The following INPP4B variants were observed in gnomAD, a reference collection of about 807,000 sequenced individuals.
The protein encoded by INPP4B is inositol polyphosphate 4-phosphatase type II.
In INPP4B, 55 loss-of-function variants were observed where a neutral mutation model predicts 122.5. The observed-to-expected ratio is 0.45, with a 90% CI of 0.36 to 0.56. INPP4B has a LOEUF of 0.56. Ranked by LOEUF, INPP4B falls within the 20% of genes least tolerant of loss-of-function variation. The probability of loss-of-function intolerance (pLI) is 0.00; values close to 1 mark genes in which losing one functional copy is unlikely to be tolerated. For synonymous variants in INPP4B, 403 were observed against 388.7 expected (o/e 1.04, Z -0.43); for missense variants, 1,000 against 1,097.7 (o/e 0.91, Z 1.26).
intron 2 of INPP4B, among the ~76,000 whole-genome samples, chr4:142,551,487 T>C (rs1272616724): frequency 6.6e-6 from 1 of 152,202 alleles, no homozygotes. Flanking sequence ...CAAAAGCACA[T>C]TTTAAAACAA....
chr4:142,741,236 G>GGCACCAATATCT (rs200360210), intron 1 of INPP4B, among the ~76,000 whole-genome samples: 4,120 of 152,138 alleles, frequency 0.027, 75 homozygotes, highest in Middle Eastern at 0.095. Context: ...ATACAAGAAT[G>GGCACCAATATCT]GCTTGGCTTC....
intron 2 of INPP4B, among the ~76,000 whole-genome samples, chr4:142,581,465 T>G (rs957190208): frequency 4.0e-5 from 6 of 151,120 alleles, no homozygotes; most frequent in African/African-American, 1.5e-4. Context: ...TCATGAACTT[T>G]GGAAATAGAT....
At chr4:142,570,607 T>C (rs1732588504) in intron 2 of INPP4B, among the ~76,000 whole-genome samples, 1 of 152,128 alleles carries the variant, frequency 6.6e-6, no homozygotes, top group African/African-American at 2.4e-5. Context: ...AGATGCTCTA[T>C]AATTAAGCCA....
At chr4:142,379,850 A>T (rs1793411230) in intron 7 of INPP4B, among the ~76,000 whole-genome samples, 1 of 152,192 alleles carries the variant, frequency 6.6e-6, no homozygotes, top group South Asian at 2.1e-4. Context: ...CATCAGATTG[A>T]GGGTTCATAT....
In INPP4B at chr4:142,346,531, AGAGAT is replaced by A. The variant is rs532330691; in HGVS notation, c.373-31774_373-31770del. On this transcript the variant is annotated intron_variant, in intron 7 of 25. Coordinates refer to ENST00000262992, the MANE Select transcript of INPP4B (RefSeq NM_001101669.3). Reference sequence around the variant, plus strand: ...AAACAAAATAGCATCTGAATAAATAAGAGATAAGAGGTACTATCTAGGTGAACAAT... The same window carrying A: ...AAACAAAATAGCATCTGAATAAATAAAAGAGGTACTATCTAGGTGAACAAT... 4.6e-5 allele frequency among the ~76,000 whole-genome samples: 7 copies of A among 152,204 alleles called. No homozygotes were observed. In the South Asian group the frequency reaches 1.5e-3, roughly 32 times the overall value.
chr4:142,680,895 C>T (rs1241435080), intron 2 of INPP4B, among the ~76,000 whole-genome samples: 1 of 151,720 alleles, frequency 6.6e-6, no homozygotes, highest in Non-Finnish European at 1.5e-5. Flanking sequence ...TTACAAACAC[C>T]CACGACACTC....
At chr4:142,402,188 A>C (rs1025756538) in intron 7 of INPP4B, among the ~76,000 whole-genome samples, 19 of 152,288 alleles carry the variant, frequency 1.2e-4, no homozygotes, top group African/African-American at 4.6e-4. Context: ...ATTGACCTTC[A>C]AGTCTCTCAT....
Position 142,571,749 on chromosome 4 carries a change from G to A in INPP4B, c.-190-109023C>T, listed in dbSNP as rs368175344. ...TATTTTGAGGGTTTTGGCAAAGAAT[G>A]GCAAAGAGTCAATTTGAATAAGATT... is the stretch of plus-strand genomic sequence containing the variant. On this transcript the variant is annotated intron_variant, in intron 2 of 25. Coordinates refer to ENST00000262992, the MANE Select transcript of INPP4B (RefSeq NM_001101669.3). Among the ~76,000 whole-genome samples the A allele has an allele frequency of 2.2e-4, 33 of 152,184 alleles. No individual in the cohort carries two copies. In the East Asian group the frequency reaches 3.9e-3, roughly 18 times the overall value.
At chr4:142,221,302 A>G (rs1301638372) in intron 12 of INPP4B, among the ~76,000 whole-genome samples, 1 of 142,488 alleles carries the variant, frequency 7.0e-6, no homozygotes, top group Non-Finnish European at 1.5e-5. Context: ...CGGGAGACTG[A>G]GGCAGGAGAA....
chr4:142,258,934 G>C (rs1215440284), intron 11 of INPP4B, among the ~76,000 whole-genome samples: 1 of 151,984 alleles, frequency 6.6e-6, no homozygotes, highest in Non-Finnish European at 1.5e-5. Flanking sequence ...ATTCACAATA[G>C]CAAAGACTTG....
At chr4:142,721,091 T>C (rs1764601064) in intron 2 of INPP4B, among the ~76,000 whole-genome samples, 2 of 151,664 alleles carry the variant, frequency 1.3e-5, no homozygotes, top group Non-Finnish European at 1.5e-5. Flanking sequence ...GTAATCTTAG[T>C]GCTGCAAAAC....
chr4:142,605,616 G>A (rs1741066152), intron 2 of INPP4B, among the ~76,000 whole-genome samples: 1 of 151,464 alleles, frequency 6.6e-6, no homozygotes, highest in African/African-American at 2.4e-5. Context: ...AGTTAGCATC[G>A]GTCATGAATG....
intron 2 of INPP4B, among the ~76,000 whole-genome samples, chr4:142,696,506 A>C (rs73850556): frequency 0.028 from 4,256 of 152,014 alleles, 195 homozygotes; most frequent in African/African-American, 0.096. Context: ...CCCTTTCCCC[A>C]CCCCAGCCCT....
chr4:142,156,967 C>T (rs1158325178), intron 17 of INPP4B, among the ~76,000 whole-genome samples: 1 of 152,110 alleles, frequency 6.6e-6, no homozygotes, highest in Non-Finnish European at 1.5e-5. Context: ...AATGGAATTA[C>T]TGTAACCTTA....
chr4:142,432,808 T>C (rs1181675328), intron 3 of INPP4B, among the ~76,000 whole-genome samples: 1 of 152,146 alleles, frequency 6.6e-6, no homozygotes, highest in African/African-American at 2.4e-5. Context: ...ATCAGTCATC[T>C]TCAAATGTGA....
intron 2 of INPP4B, among the ~76,000 whole-genome samples, chr4:142,484,522 T>A (rs554188874): frequency 1.7e-4 from 26 of 152,228 alleles, no homozygotes; most frequent in African/African-American, 6.0e-4. Context: ...TATCAAAATA[T>A]TCCAAAATAT....
rs1478579809 is a variant in INPP4B at position 142,026,037 on chromosome 4, C to G, written c.*2745G>C. ...CAGAATTGATATCTGCATTTAATAT[C>G]AAAGGGGAACATATTATTTTTGAGC... On this transcript the variant is annotated 3_prime_UTR_variant, in exon 26 of 26. Transcript: ENST00000262992. The G allele has an allele frequency of 6.7e-6, 1 of 149,764 alleles. No individual in the cohort carries two copies. Among genetic ancestry groups the G allele is most frequent in the Non-Finnish European group, 1.5e-5 (1 of 66,724 alleles). The allele number at this position is 149,764 out of a possible 1,614,324, so 9.3% of individuals were successfully genotyped here.
chr4:142,549,560 C>A (rs1236053056), intron 2 of INPP4B, among the ~76,000 whole-genome samples: 1 of 152,122 alleles, frequency 6.6e-6, no homozygotes, highest in South Asian at 2.1e-4. Flanking sequence ...GGGTGAATTC[C>A]AATGACTAAG....
At chr4:142,058,184 C>T (rs1758711105) in intron 25 of INPP4B, among the ~76,000 whole-genome samples, 1 of 152,096 alleles carries the variant, frequency 6.6e-6, no homozygotes. Flanking sequence ...ATCCTAGTTA[C>T]TCCATAAATA....
Sources: allele counts gnomAD v4.1 joint callset (sites outside exome capture counted in the v4.1 genomes callset), GRCh38; gene constraint gnomAD v4.1.1; transcripts MANE v1.5; gene names NCBI Gene and HGNC (gene_info 2026-07-23, HGNC 2026-07-21).